Variants in FZD6 observed in about 807,000 individuals in gnomAD.
FZD6 encodes the protein frizzled class receptor 6.
In FZD6, 49 loss-of-function variants were observed where a neutral mutation model predicts 61.4. The observed-to-expected ratio is 0.80, with a 90% CI of 0.63 to 1.01. The LOEUF (loss-of-function observed/expected upper bound fraction) is 1.01. Ranked by LOEUF, FZD6 falls within the 50% of genes least tolerant of loss-of-function variation. The pLI is 0.00. For missense variants in FZD6, 724 were observed against 848.2 expected (o/e 0.85, Z 1.82); for synonymous variants, 265 against 292.2 (o/e 0.91, Z 0.95).
At chr8:103,305,425 A>G (rs183272534) in intron 2 of FZD6, among the ~76,000 whole-genome samples, 153 of 152,358 alleles carry the variant, frequency 1.0e-3, no homozygotes, top group African/African-American at 3.5e-3. Context: ...CAGACTTTTA[A>G]GGAAAATATC....
At chr8:103,299,928 C>A in intron 1 of FZD6, 28 bp from the exon 2 acceptor site, 1 of 575,726 alleles carries the variant, frequency 1.7e-6, no homozygotes, top group Non-Finnish European at 3.1e-6. Flanking sequence ...ACAAATGTTG[C>A]TGATACACCC....
intron 2 of FZD6, among the ~76,000 whole-genome samples, chr8:103,317,703 A>G (rs1175529952): frequency 8.6e-5 from 13 of 151,922 alleles, no homozygotes; most frequent in Admixed American, 6.6e-4. Context: ...GCATGCGCCT[A>G]TAGTCCTAGC....
chr8:103,307,936 A>T (rs1362518743), intron 2 of FZD6: 1 of 455,940 alleles, frequency 2.2e-6, no homozygotes, highest in African/African-American at 2.0e-5. Context: ...CAACTCTTGG[A>T]TGGAAATTAT....
At chr8:103,328,512 C>G in intron 5 of FZD6, 96 bp downstream of exon 5, 1 of 974,504 alleles carries the variant, frequency 1.0e-6, no homozygotes, top group Non-Finnish European at 1.6e-6. Flanking sequence ...TTCATTATAT[C>G]AACTATTATT....
intron 1 of FZD6, among the ~76,000 whole-genome samples, chr8:103,299,486 T>G (rs827527): frequency 0.95 from 144,033 of 152,258 alleles, 68,197 homozygotes; most frequent in East Asian, 1. Flanking sequence ...CTTACGAAAA[T>G]CGAGAAAACT....
At chr8:103,326,903 TAAAC>T (rs1814967876) in intron 4 of FZD6, among the ~76,000 whole-genome samples, 1 of 152,120 alleles carries the variant, frequency 6.6e-6, no homozygotes, top group Admixed American at 6.5e-5. Context: ...AAACTATTCT[TAAAC>T]ATGTGAAAAA....
chr8:103,310,535 G>T (rs956094596), intron 2 of FZD6, among the ~76,000 whole-genome samples: 2 of 152,142 alleles, frequency 1.3e-5, no homozygotes, highest in Non-Finnish European at 2.9e-5. Flanking sequence ...AAAGTGCTGA[G>T]ATTACAGGTG....
intron 2 of FZD6, among the ~76,000 whole-genome samples, chr8:103,309,074 C>G (rs1360639166): frequency 1.3e-5 from 2 of 152,186 alleles, no homozygotes; most frequent in Non-Finnish European, 2.9e-5. Context: ...AGCTGAAGCT[C>G]TTAAGCTTTG....
upstream of FZD6, chr8:103,298,660 G>A (rs1291858930): frequency 1.3e-5 from 2 of 152,138 alleles, no homozygotes; most frequent in Non-Finnish European, 2.9e-5. Flanking sequence ...TGGCTTCCCG[G>A]CCCCGCAGCC....
rs1485782801 is a variant in FZD6 at position 103,329,799 on chromosome 8, A to G, written c.1686A>G (p.Thr562=). 5 of 1,614,088 alleles carry G rather than the reference A, an allele frequency of 3.1e-6. No individual in the cohort carries two copies. In the African/African-American group the frequency reaches 6.7e-5, roughly 22 times the overall value. The change falls in exon 6 of 7, where the codon ACA becomes ACG. Residue 562 remains threonine (T), a synonymous_variant. Coordinates refer to ENST00000358755, the MANE Select transcript of FZD6 (RefSeq NM_003506.4). ...TTTCCAAATCCATGGGAACCAGCAC[A>G]GGAGCTACAGCAAATCATGGCACTT... ...KVISKSMGTS[T]GATANHGTSA...
chr8:103,329,566 T>C, intron 5 of FZD6, 89 bp from the exon 6 acceptor site: 1 of 920,546 alleles, frequency 1.1e-6, no homozygotes. Context: ...TAAGGATTTT[T>C]GGCAAAAGAT....
Position 103,330,139 on chromosome 8 carries a change from C to A in FZD6, c.1952+74C>A, listed in dbSNP as rs1337493823. ...ACACATTTTTTATTAAAGCATAACA[C>A]ATTTGGAAAGCATTTTGTGATATAT... On this transcript the variant is annotated intron_variant, in intron 6 of 6. Transcript: ENST00000358755. 5 of 1,334,536 alleles carry A rather than the reference C, an allele frequency of 3.7e-6. No homozygotes were observed. The Admixed American group carries it at 5.2e-5, about 14-fold the overall frequency. The allele number at this position is 1,334,536 out of a possible 1,614,324, so 82.7% of individuals were successfully genotyped here.
chr8:103,301,815 A>G (rs1463533559), intron 2 of FZD6, among the ~76,000 whole-genome samples: 1 of 152,250 alleles, frequency 6.6e-6, no homozygotes, highest in Non-Finnish European at 1.5e-5. Flanking sequence ...GATGGTAGCA[A>G]CTAGCTTTGT....
At chr8:103,308,338 C>T (rs1814399721) in intron 2 of FZD6, among the ~76,000 whole-genome samples, 1 of 152,144 alleles carries the variant, frequency 6.6e-6, no homozygotes, top group African/African-American at 2.4e-5. Flanking sequence ...TTTCCGGACT[C>T]CTAATACCAG....
chr8:103,327,502 G>A (rs1445783617), intron 4 of FZD6, among the ~76,000 whole-genome samples: 6 of 152,202 alleles, frequency 3.9e-5, no homozygotes, highest in East Asian at 1.9e-4. Flanking sequence ...AGGCTGAGGC[G>A]GGAGAATTGC....
In FZD6 at chr8:103,308,276, A is replaced by AT. The variant is rs1235100332; in HGVS notation, c.177+8000dup. ...GGGTTTGCATTCACATGCAAAAAAA[A>AT]TTTTTTTTGAGATTATAGGCCCATT... On this transcript the variant is annotated intron_variant, in intron 2 of 6. Transcript: ENST00000358755. Among the ~76,000 whole-genome samples, 6 of 152,042 alleles carry AT rather than the reference A, an allele frequency of 3.9e-5. No homozygotes were observed. The South Asian group carries it at 1.0e-3, about 26-fold the overall frequency.
intron 2 of FZD6, among the ~76,000 whole-genome samples, chr8:103,304,275 A>C (rs1001283309): frequency 1.3e-5 from 2 of 152,220 alleles, no homozygotes; most frequent in African/African-American, 4.8e-5. Context: ...AGCCTGTTTT[A>C]TAGAATTTAA....
rs749855891 is a variant in FZD6, at chr8:103,329,730, C to T, written c.1617C>T (p.His539=). The part of the protein sequence containing the change: ...FFLKHNSKVK[H]KKKHYKPSSH... Reference sequence around the variant, plus strand: ...TAAAGCACAATTCTAAAGTTAAACACAAAAAGAAGCACTATAAACCAAGTT... The same window carrying T: ...TAAAGCACAATTCTAAAGTTAAACATAAAAAGAAGCACTATAAACCAAGTT... Residue 539 remains histidine (H), a synonymous_variant, in exon 6 of 7, where the codon CAC becomes CAT. Coordinates refer to ENST00000358755, the MANE Select transcript of FZD6 (RefSeq NM_003506.4). The T allele has an allele frequency of 1.9e-6, 3 of 1,612,058 alleles. No individual in the cohort carries two copies. The highest frequency in any genetic ancestry group is 1.7e-4 in the Middle Eastern group (1 of 6,058).
rs1220758544 is a variant in FZD6 at position 103,300,073 on chromosome 8, C to G, written c.-35C>G. 2.3e-6 allele frequency: 3 copies of G among 1,320,532 alleles called. No individual in the cohort carries two copies. Among genetic ancestry groups the G allele is most frequent in the East Asian group, 2.3e-5 (1 of 43,302 alleles). 81.8% of individuals were successfully genotyped at this position (1,320,532 alleles called of 1,614,324 possible). The stretch of plus-strand genomic sequence containing the variant: ...TCTGAGGATGCAAAGAGTGATTCAT[C>G]CAAGCCATGTGGTAAAATCAGGAAT... On this transcript the variant is annotated 5_prime_UTR_variant, in exon 2 of 7. It adds an upstream start codon to the 5' untranslated region. Coordinates refer to ENST00000358755, the MANE Select transcript of FZD6 (RefSeq NM_003506.4).
Sources: allele counts gnomAD v4.1 joint callset (sites outside exome capture counted in the v4.1 genomes callset), GRCh38; gene constraint gnomAD v4.1.1; transcripts MANE v1.5; gene names NCBI Gene and HGNC (gene_info 2026-07-23, HGNC 2026-07-21).